The following GRID2 variants were observed in gnomAD, a reference collection of about 807,000 sequenced individuals.
GRID2 encodes glutamate receptor ionotropic, delta-2.
GRID2 carries 33 observed loss-of-function variants against 114.8 expected under a neutral mutation model. That is an observed-to-expected ratio of 0.29 (90% CI 0.22 to 0.38). The LOEUF (loss-of-function observed/expected upper bound fraction) is 0.38. GRID2 is among the 10% of genes least tolerant of loss of function. The pLI is 1.00. For synonymous variants in GRID2, 505 were observed against 449.9 expected (o/e 1.12, Z -1.55); for missense variants, 1,184 against 1,257.7 (o/e 0.94, Z 0.89).
At chr4:93,285,033 CT>C (rs1348228043) in intron 8 of GRID2, among the ~76,000 whole-genome samples, 1 of 151,952 alleles carries the variant, frequency 6.6e-6, no homozygotes, top group East Asian at 1.9e-4. Context: ...CCAAAGGAAG[CT>C]TTTGGTCTCT....
intron 4 of GRID2, among the ~76,000 whole-genome samples, chr4:93,187,175 G>A (rs547966035): frequency 6.6e-6 from 1 of 152,074 alleles, no homozygotes; most frequent in Non-Finnish European, 1.5e-5. Flanking sequence ...AATTTTGAGG[G>A]AACACATTCA....
intron 1 of GRID2, among the ~76,000 whole-genome samples, chr4:92,449,699 ATATATATATAT>A (rs1472082645): frequency 1.5e-4 from 22 of 142,784 alleles, no homozygotes; most frequent in African/African-American, 5.2e-4. Context: ...ATATATATAT[ATATATATATAT>A]AACACTTAAG....
intron 2 of GRID2, among the ~76,000 whole-genome samples, chr4:93,014,043 T>C (rs1045573434): frequency 1.3e-5 from 2 of 151,944 alleles, no homozygotes; most frequent in African/African-American, 4.8e-5. Flanking sequence ...AAGCATAAAG[T>C]AAGATATTTG....
intron 10 of GRID2, among the ~76,000 whole-genome samples, chr4:93,453,353 AGAGAGAGTGT>A (rs1461187832): frequency 9.2e-5 from 10 of 108,322 alleles, no homozygotes; most frequent in African/African-American, 3.1e-4. Context: ...AGAGAGAGAG[AGAGAGAGTGT>A]GTGTATTTGT....
At chr4:92,750,831 ATATAC>A (rs1348942654) in intron 2 of GRID2, among the ~76,000 whole-genome samples, 1 of 152,220 alleles carries the variant, frequency 6.6e-6, no homozygotes, top group African/African-American at 2.4e-5. Flanking sequence ...ATATTCAAAT[ATATAC>A]TTGAAAATAT....
chr4:92,347,170 G>T (rs1418473565), intron 1 of GRID2, among the ~76,000 whole-genome samples: 1 of 152,170 alleles, frequency 6.6e-6, no homozygotes, highest in Non-Finnish European at 1.5e-5. Context: ...CAGCTTTTTA[G>T]CCCTGAACCA....
At chr4:92,409,089 G>A (rs1579312523) in intron 1 of GRID2, among the ~76,000 whole-genome samples, 1 of 152,062 alleles carries the variant, frequency 6.6e-6, no homozygotes, top group South Asian at 2.1e-4. Flanking sequence ...CATTCTGTAT[G>A]ATTTGGCTGT....
intron 2 of GRID2, among the ~76,000 whole-genome samples, chr4:92,786,362 A>T (rs1373268325): frequency 6.6e-6 from 1 of 151,888 alleles, no homozygotes; most frequent in Non-Finnish European, 1.5e-5. Context: ...TGCTTTGAAA[A>T]TGAGAGAGTT....
chr4:92,611,654 T>C (rs62307881), intron 2 of GRID2, among the ~76,000 whole-genome samples: 7,122 of 151,686 alleles, frequency 0.047, 207 homozygotes, highest in East Asian at 0.094. Context: ...AGCTGTGTAC[T>C]ATTTCACATT....
intron 14 of GRID2, among the ~76,000 whole-genome samples, chr4:93,686,431 C>T (rs1402765346): frequency 2.6e-5 from 4 of 151,800 alleles, no homozygotes; most frequent in Non-Finnish European, 5.9e-5. Context: ...AGCAAATGTT[C>T]ATCAGCTACT....
chr4:93,472,251 A>G (rs1169168189), intron 11 of GRID2, among the ~76,000 whole-genome samples: 1 of 151,810 alleles, frequency 6.6e-6, no homozygotes, highest in African/African-American at 2.4e-5. Context: ...TGAACCCAGA[A>G]GGCGGAGGTT....
At chr4:93,243,650 C>G (rs1318855800) in intron 8 of GRID2, among the ~76,000 whole-genome samples, 1 of 152,024 alleles carries the variant, frequency 6.6e-6, no homozygotes, top group Admixed American at 6.6e-5. Flanking sequence ...TTGGACTAGT[C>G]TTTGCTCTCT....
At chr4:92,901,474 C>T (rs184696914) in intron 2 of GRID2, among the ~76,000 whole-genome samples, 16 of 152,238 alleles carry the variant, frequency 1.1e-4, no homozygotes, top group Admixed American at 5.9e-4. Flanking sequence ...TTTTGCTGTG[C>T]AGAGGCTTTT....
intron 12 of GRID2, among the ~76,000 whole-genome samples, chr4:93,513,237 A>G (rs1729372717): frequency 6.6e-6 from 1 of 152,156 alleles, no homozygotes; most frequent in African/African-American, 2.4e-5. Flanking sequence ...ACAAACGAGT[A>G]TTGTTGTTAT....
chr4:92,847,894 G>C (rs1464729828), intron 2 of GRID2, among the ~76,000 whole-genome samples: 1 of 151,928 alleles, frequency 6.6e-6, no homozygotes, highest in South Asian at 2.1e-4. Flanking sequence ...TCAGTAGACA[G>C]TATTAGCTTC....
At chr4:93,678,111 CGA>C (rs1327268254) in intron 14 of GRID2, among the ~76,000 whole-genome samples, 1 of 152,022 alleles carries the variant, frequency 6.6e-6, no homozygotes, top group African/African-American at 2.4e-5. Context: ...AGCCAAGGCT[CGA>C]GAACTGCATG....
intron 14 of GRID2, among the ~76,000 whole-genome samples, chr4:93,767,386 G>T (rs1048259657): frequency 3.9e-5 from 6 of 152,040 alleles, no homozygotes; most frequent in Non-Finnish European, 7.4e-5. Context: ...CTGGAATAAG[G>T]GTGACATATA....
At chr4:93,503,941 G>A (rs1728383941) in intron 12 of GRID2, among the ~76,000 whole-genome samples, 1 of 152,040 alleles carries the variant, frequency 6.6e-6, no homozygotes, top group Non-Finnish European at 1.5e-5. Context: ...TTGGCCCCCT[G>A]TTCCTGTGTT....
chr4:92,330,204 A>T (rs1388810331), intron 1 of GRID2, among the ~76,000 whole-genome samples: 1 of 152,080 alleles, frequency 6.6e-6, no homozygotes, highest in East Asian at 1.9e-4. Flanking sequence ...ATTGTTTAAG[A>T]TGTTTAAATT....
Sources: gnomAD v4.1 joint callset for allele counts (sites outside exome capture counted in the v4.1 genomes callset) on GRCh38, gnomAD v4.1.1 for gene constraint, MANE v1.5 for transcripts, NCBI Gene and HGNC (gene_info 2026-07-23, HGNC 2026-07-21) for gene names.